The following ATP8B1 variants were observed in gnomAD, a reference collection of about 807,000 sequenced individuals.
ATP8B1 encodes the protein phospholipid-transporting ATPase IC.
ATP8B1 carries 80 observed loss-of-function variants against 149.9 expected under a neutral mutation model. That is an observed-to-expected ratio of 0.53 (90% CI 0.45 to 0.64). ATP8B1 has a LOEUF of 0.64. Ranked by LOEUF, ATP8B1 falls within the 30% of genes least tolerant of loss-of-function variation. ATP8B1 has a pLI of 0.00. For synonymous variants in ATP8B1, 536 were observed against 562.8 expected, an observed-to-expected ratio of 0.95 and a Z score of 0.67; for missense variants, 1,247 against 1,552.6, an observed-to-expected ratio of 0.80 and a Z score of 3.31.
At position 57,648,309 on chromosome 18, in the gene ATP8B1, C is replaced by T; in HGVS notation, c.*179G>A. 1.3e-6 allele frequency: 1 copy of T among 799,006 alleles called. No homozygotes were observed. The highest frequency in any genetic ancestry group is 1.5e-5 in the South Asian group (1 of 64,674). The allele number at this position is 799,006 out of a possible 1,614,324, so 49.5% of individuals were successfully genotyped here. On this transcript the variant is annotated 3_prime_UTR_variant, in exon 28 of 28. Transcript: ENST00000648908. ...CCGAATAATAGGACTTTTAAAAGTC[C>T]TATTTCTTGGCTCTGCTATTGTTTA...
chr18:57,774,047 C>T (rs989852535), intron 1 of ATP8B1, among the ~76,000 whole-genome samples: 5 of 152,142 alleles, frequency 3.3e-5, no homozygotes, highest in Non-Finnish European at 5.9e-5. Context: ...CCAAAATCTA[C>T]CTGCTCTCTT....
chr18:57,798,125 C>A (rs2080535343), intron 1 of ATP8B1, among the ~76,000 whole-genome samples: 1 of 152,112 alleles, frequency 6.6e-6, no homozygotes, highest in Non-Finnish European at 1.5e-5. Flanking sequence ...ATGAAAGGAG[C>A]TATACCAAGG....
intron 1 of ATP8B1, among the ~76,000 whole-genome samples, chr18:57,781,857 C>T (rs980479676): frequency 6.6e-6 from 1 of 152,202 alleles, no homozygotes; most frequent in Non-Finnish European, 1.5e-5. Flanking sequence ...TAGTGGCACA[C>T]ACCTGTAGTC....
chr18:57,651,777 A>T (rs905536093), intron 26 of ATP8B1, among the ~76,000 whole-genome samples: 2 of 151,536 alleles, frequency 1.3e-5, no homozygotes, highest in Non-Finnish European at 1.5e-5. Context: ...AACTACAGGC[A>T]TGTGCCACCA....
At chr18:57,714,634 A>G (rs1913918180) in intron 2 of ATP8B1, among the ~76,000 whole-genome samples, 1 of 135,734 alleles carries the variant, frequency 7.4e-6, no homozygotes. Flanking sequence ...AGAGAGAGAG[A>G]GATTGATTCT....
In ATP8B1 at chr18:57,647,393, T is replaced by A. The variant is rs886054001; in HGVS notation, c.*1095A>T. ...GTTATTTTCCTTGATTAAATAGAAT[T>A]AATAAACCAATATGAGGAAACATGA... On this transcript the variant is annotated 3_prime_UTR_variant, in exon 28 of 28. Transcript: ENST00000648908. The A allele has an allele frequency of 3.9e-5, 6 of 152,132 alleles. No individual in the cohort carries two copies. The highest frequency in any genetic ancestry group is 1.3e-4 in the Admixed American group (2 of 15,250). The allele number at this position is 152,132 out of a possible 1,614,324, so 9.4% of individuals were successfully genotyped here. A position where few individuals can be genotyped will look rare whatever the true frequency, so the allele number is the denominator to read the frequency against.
chr18:57,677,962 T>A (rs988231776), intron 15 of ATP8B1, among the ~76,000 whole-genome samples: 1 of 151,974 alleles, frequency 6.6e-6, no homozygotes, highest in Non-Finnish European at 1.5e-5. Flanking sequence ...GAAAAAAAAA[T>A]GTTTTCCATT....
intron 2 of ATP8B1, among the ~76,000 whole-genome samples, chr18:57,713,205 T>TTTCTC (rs1913797969): frequency 9.2e-6 from 1 of 108,584 alleles, no homozygotes; most frequent in African/African-American, 3.8e-5. Context: ...CTTTCCTTCC[T>TTTCTC]TCCTTCCTTC....
chr18:57,696,502 G>T (rs538489404), intron 8 of ATP8B1, among the ~76,000 whole-genome samples: 1 of 149,294 alleles, frequency 6.7e-6, no homozygotes, highest in African/African-American at 2.5e-5. Context: ...CAATTAGCCT[G>T]TACAATTAAG....
At chr18:57,744,288 T>G (rs1161446890) in intron 1 of ATP8B1, among the ~76,000 whole-genome samples, 2 of 118,684 alleles carry the variant, frequency 1.7e-5, no homozygotes. Context: ...CCAGCCTGGG[T>G]GACAGAGTGA....
At chr18:57,650,277 T>G in intron 27 of ATP8B1, 90 bp downstream of exon 27, 1,370 of 1,506,160 alleles carry the variant, frequency 9.1e-4, no homozygotes, top group Non-Finnish European at 1.1e-3. Context: ...AAACTTCCCA[T>G]GAGCTTAGAA....
Position 57,695,273 on chromosome 18 carries a change from A to C in ATP8B1, c.838T>G (p.Phe280Val). The C allele has an allele frequency of 1.2e-6, 2 of 1,613,068 alleles. No individual in the cohort carries two copies. The highest frequency in any genetic ancestry group is 2.7e-5 in the African/African-American group (2 of 75,030). ...NRLDKFTGTL[F>V]WRNTSFPLDA... ...AAAGGAAAACTTGTGTTTCTCCAAA[A>C]TAGTGTTCCTGTAAACTTATCTAGT... is the stretch of plus-strand genomic sequence containing the variant. Residue 280 changes from phenylalanine (F) to valine (V), a missense_variant, in exon 10 of 28, where the codon TTT becomes GTT. Around this residue, in one of 3 missense-constraint regions of ATP8B1, gnomAD observed 853 missense variants for 1,035.7 expected, o/e 0.82. Coordinates refer to ENST00000648908, the MANE Select transcript of ATP8B1 (RefSeq NM_001374385.1).
At chr18:57,674,742 C>G in intron 16 of ATP8B1, 92 bp downstream of exon 16, 1 of 1,434,896 alleles carries the variant, frequency 7.0e-7, no homozygotes. Flanking sequence ...GTAGCTCTTT[C>G]ACTGGCTGCT....
At chr18:57,758,205 G>C (rs1161450932) in intron 1 of ATP8B1, among the ~76,000 whole-genome samples, 1 of 152,042 alleles carries the variant, frequency 6.6e-6, no homozygotes, top group Non-Finnish European at 1.5e-5. Flanking sequence ...ACATTAACAG[G>C]CTCCCCAAAG....
chr18:57,792,303 A>T (rs909806957), intron 1 of ATP8B1, among the ~76,000 whole-genome samples: 2 of 147,970 alleles, frequency 1.4e-5, no homozygotes, highest in Non-Finnish European at 3.0e-5. Context: ...AATTTTATTA[A>T]TTTTTTTTTT....
chr18:57,663,203 C>A (rs568429861), intron 20 of ATP8B1, among the ~76,000 whole-genome samples: 136 of 152,252 alleles, frequency 8.9e-4, no homozygotes, highest in Non-Finnish European at 1.6e-3. Context: ...CTTTCTGTGA[C>A]TGGTTTATTT....
Position 57,648,630 on chromosome 18 carries a change from C to T in ATP8B1, c.3614G>A (p.Arg1205Gln), listed in dbSNP as rs1909353726. 4 of 1,602,922 alleles carry T rather than the reference C, an allele frequency of 2.5e-6. No individual in the cohort carries two copies. The part of the protein sequence containing the change: ...QQVFRRGVST[R>Q]RSAYAFSHQR... Reference sequence around the variant, plus strand: ...GTGCGAGAAGGCGTAGGCCGAGCGCCGCGTTGACACGCCCCGGCGGAACAC... The same window carrying T: ...GTGCGAGAAGGCGTAGGCCGAGCGCTGCGTTGACACGCCCCGGCGGAACAC... Residue 1205 changes from arginine (R) to glutamine (Q), a missense_variant, in exon 28 of 28, where the codon CGG (arginine) becomes CAG (glutamine). Arg to Gln is a conservative substitution (Grantham distance 43). Transcript: ENST00000648908.
intron 7 of ATP8B1, 46 bp from the exon 8 acceptor site, chr18:57,697,734 A>G (rs1912894685): frequency 6.2e-7 from 1 of 1,613,034 alleles, no homozygotes; most frequent in Non-Finnish European, 8.5e-7. Context: ...CCTGAGGGAA[A>G]AGCCGAGCAC....
chr18:57,767,334 C>T (rs1171278228), intron 1 of ATP8B1, among the ~76,000 whole-genome samples: 3 of 152,208 alleles, frequency 2.0e-5, no homozygotes, highest in African/African-American at 4.8e-5. Context: ...AAGCCTTCTG[C>T]TGCTCAGGTA....
Sources: allele counts gnomAD v4.1 joint callset (sites outside exome capture counted in the v4.1 genomes callset), GRCh38; gene constraint gnomAD v4.1.1; regional missense constraint gnomAD v4.1.1; transcripts MANE v1.5; gene names NCBI Gene and HGNC (gene_info 2026-07-23, HGNC 2026-07-21).